The following AXDND1 variants were observed in gnomAD, a reference collection of about 807,000 sequenced individuals.
AXDND1 encodes axonemal dynein light chain domain containing 1, also known as axonemal dynein light chain domain-containing protein 1.
A neutral mutation model predicts 137.5 loss-of-function variants in AXDND1; 110 were observed. The ratio of observed to expected loss-of-function variants is 0.80; its 90% CI spans 0.69 to 0.94. The LOEUF (loss-of-function observed/expected upper bound fraction) is 0.94. AXDND1 is among the 40% of genes least tolerant of loss of function. AXDND1 has a pLI of 0.00. For missense variants in AXDND1, 1,191 were observed against 1,169.8 expected (o/e 1.02, Z -0.26); for synonymous variants, 414 against 399.7 (o/e 1.04, Z -0.43).
chr1:179,386,212 C>T (rs989041290), intron 9 of AXDND1, among the ~76,000 whole-genome samples: 8 of 151,936 alleles, frequency 5.3e-5, no homozygotes, highest in East Asian at 1.9e-4. Flanking sequence ...CCACCACGCC[C>T]GGCTAATTTT....
chr1:179,430,613 C>A lies in AXDND1; in HGVS notation c.1487+7C>A. 6.2e-7 allele frequency: 1 copy of A among 1,601,772 alleles called. No homozygotes were observed. Among genetic ancestry groups the A allele is most frequent in the South Asian group, 1.1e-5 (1 of 89,402 alleles). On this transcript the variant is annotated splice_region_variant and intron_variant, in intron 14 of 25. Coordinates refer to ENST00000367618, the MANE Select transcript of AXDND1 (RefSeq NM_144696.6). ...AATGGCAGGAGTTCTTCAAGTGAGT[C>A]ACCAAGAATCTTGTTTTTCTGATTA...
intron 20 of AXDND1, among the ~76,000 whole-genome samples, chr1:179,504,232 T>C (rs990993636): frequency 6.6e-6 from 1 of 152,212 alleles, no homozygotes; most frequent in Non-Finnish European, 1.5e-5. Context: ...CAGGCTGTTA[T>C]ACTTCTGAAC....
At chr1:179,441,779 C>T (rs1659022319) in intron 15 of AXDND1, among the ~76,000 whole-genome samples, 1 of 152,208 alleles carries the variant, frequency 6.6e-6, no homozygotes, top group Admixed American at 6.5e-5. Flanking sequence ...GGGCTATTAC[C>T]TAACAGCATA....
At chr1:179,459,208 C>T (rs529806348) in intron 16 of AXDND1, among the ~76,000 whole-genome samples, 14 of 152,238 alleles carry the variant, frequency 9.2e-5, no homozygotes, top group African/African-American at 3.4e-4. Context: ...CGAATAATGG[C>T]CTTGAACTCC....
At position 179,430,593 on chromosome 1, in the gene AXDND1, C is replaced by T; in HGVS notation, c.1474C>T (p.Gln492Ter). The T allele has an allele frequency of 1.2e-6, 2 of 1,609,742 alleles. No homozygotes were observed. Among genetic ancestry groups the T allele is most frequent in the Non-Finnish European group, 1.7e-6 (2 of 1,178,808 alleles). Reference sequence around the variant, plus strand: ...TGTTAAGGATGGGCTTATCAAATGGCAGGAGTTCTTCAAGTGAGTCACCAA... The same window carrying T: ...TGTTAAGGATGGGCTTATCAAATGGTAGGAGTTCTTCAAGTGAGTCACCAA... ...KIVKDGLIKW[Q>*]EFFNEKDILS... Residue 492 changes from glutamine to a stop codon, truncating the protein, a stop_gained, in exon 14 of 26, where the codon CAG becomes TAG. Coordinates refer to ENST00000367618, the MANE Select transcript of AXDND1 (RefSeq NM_144696.6). LOFTEE classifies it high-confidence loss of function.
intron 16 of AXDND1, among the ~76,000 whole-genome samples, chr1:179,464,861 A>T: frequency 6.6e-6 from 1 of 152,106 alleles, no homozygotes; most frequent in African/African-American, 2.4e-5. Context: ...CATTTCATTC[A>T]TTCGATCTTC....
At chr1:179,460,189 C>CACCT (rs1408309913) in intron 16 of AXDND1, among the ~76,000 whole-genome samples, 1 of 152,012 alleles carries the variant, frequency 6.6e-6, no homozygotes, top group Non-Finnish European at 1.5e-5. Flanking sequence ...CTCTCGCTCC[C>CACCT]ACCTCCCCCC....
intron 12 of AXDND1, among the ~76,000 whole-genome samples, chr1:179,425,017 C>T (rs1045213673): frequency 2.0e-5 from 3 of 152,160 alleles, no homozygotes; most frequent in Middle Eastern, 3.2e-3. Flanking sequence ...AGAGAGCTCA[C>T]GTGTTAGAGT....
At chr1:179,523,564 A>T (rs1163094286) in intron 21 of AXDND1, among the ~76,000 whole-genome samples, 1 of 152,120 alleles carries the variant, frequency 6.6e-6, no homozygotes, top group African/African-American at 2.4e-5. Context: ...GGCCCTGGAA[A>T]CACCACACGG....
At chr1:179,548,005 C>A (rs10494515) in intron 25 of AXDND1, among the ~76,000 whole-genome samples, 1 of 151,820 alleles carries the variant, frequency 6.6e-6, no homozygotes, top group African/African-American at 2.4e-5. Flanking sequence ...ACTATGATCC[C>A]GAACAGCTGT....
At chr1:179,462,057 C>A (rs999680711) in intron 16 of AXDND1, among the ~76,000 whole-genome samples, 1 of 152,116 alleles carries the variant, frequency 6.6e-6, no homozygotes, top group Non-Finnish European at 1.5e-5. Flanking sequence ...TGCCTGATTG[C>A]CCTGGCCATA....
intron 12 of AXDND1, among the ~76,000 whole-genome samples, chr1:179,415,709 CT>C (rs943680291): frequency 3.8e-4 from 56 of 147,086 alleles, no homozygotes; most frequent in African/African-American, 4.0e-4. Context: ...CAGGGTACAT[CT>C]TTTTTTTTTT....
chr1:179,442,413 T>A (rs1659121367), intron 15 of AXDND1, among the ~76,000 whole-genome samples: 1 of 152,166 alleles, frequency 6.6e-6, no homozygotes, highest in Admixed American at 6.5e-5. Context: ...ACCTTTTTGA[T>A]GAGCCTGTTT....
intron 17 of AXDND1, among the ~76,000 whole-genome samples, chr1:179,472,058 C>A (rs1320310652): frequency 6.6e-6 from 1 of 152,078 alleles, no homozygotes; most frequent in African/African-American, 2.4e-5. Context: ...CCACGCCTGG[C>A]TAATTTTTTT....
intron 25 of AXDND1, chr1:179,550,613 C>G (rs1258328784): frequency 6.5e-6 from 1 of 154,808 alleles, no homozygotes; most frequent in Non-Finnish European, 1.4e-5. Flanking sequence ...TGCATTCACT[C>G]TGAAACATTT....
chr1:179,547,953 T>C (rs1050817083), intron 25 of AXDND1, among the ~76,000 whole-genome samples: 2 of 152,156 alleles, frequency 1.3e-5, no homozygotes, highest in Non-Finnish European at 2.9e-5. Flanking sequence ...CTGTAACTAT[T>C]GCCCACCAAG....
At chr1:179,523,572 C>T (rs570026414) in intron 21 of AXDND1, among the ~76,000 whole-genome samples, 23 of 152,204 alleles carry the variant, frequency 1.5e-4, no homozygotes, top group African/African-American at 4.1e-4. Context: ...AAACACCACA[C>T]GGTTTCTGGC....
intron 12 of AXDND1, among the ~76,000 whole-genome samples, chr1:179,425,730 C>T (rs570312556): frequency 8.2e-4 from 124 of 151,818 alleles, no homozygotes; most frequent in African/African-American, 2.9e-3. Flanking sequence ...ATTGAGGCTG[C>T]AGTGAGCTGA....
intron 20 of AXDND1, among the ~76,000 whole-genome samples, chr1:179,494,507 AT>A (rs1241346323): frequency 2.7e-5 from 4 of 147,750 alleles, no homozygotes. Flanking sequence ...CAGATACATG[AT>A]TTTAAAATAT....
Sources: gnomAD v4.1 joint callset for allele counts (sites outside exome capture counted in the v4.1 genomes callset) on GRCh38, gnomAD v4.1.1 for gene constraint, MANE v1.5 for transcripts, NCBI Gene and HGNC (gene_info 2026-07-23, HGNC 2026-07-21) for gene names.